The following CPNE4 variants were observed in gnomAD, a reference collection of about 807,000 sequenced individuals.
The protein encoded by CPNE4 is copine 4.
CPNE4 carries 25 observed loss-of-function variants against 67.9 expected under a neutral mutation model. The observed-to-expected ratio is 0.37, with a 90% CI of 0.27 to 0.51. CPNE4 has a LOEUF of 0.51. CPNE4 is among the 20% of genes least tolerant of loss of function. The pLI is 0.93. For synonymous variants in CPNE4, 242 were observed against 244.9 expected, an observed-to-expected ratio of 0.99 and a Z score of 0.11; for missense variants, 464 against 690.8, an observed-to-expected ratio of 0.67 and a Z score of 3.68.
At chr3:132,011,573 A>C (rs973640302) in intron 1 of CPNE4, among the ~76,000 whole-genome samples, 1 of 152,224 alleles carries the variant, frequency 6.6e-6, no homozygotes, top group African/African-American at 2.4e-5. Context: ...CGCCTAGTTC[A>C]GAATCATCAT....
At chr3:131,587,330 T>G (rs149964849) in intron 8 of CPNE4, among the ~76,000 whole-genome samples, 154 bp downstream of exon 8, 2,826 of 152,322 alleles carry the variant, frequency 0.019, 33 homozygotes, top group South Asian at 0.05. Flanking sequence ...GTTGGGCTAG[T>G]TCTAGAATCT....
At chr3:131,981,392 G>C (rs776521415) in intron 1 of CPNE4, among the ~76,000 whole-genome samples, 44 of 152,206 alleles carry the variant, frequency 2.9e-4, no homozygotes, top group Admixed American at 1.2e-3. Flanking sequence ...ATGGGGGTGA[G>C]ATTCCCAAGT....
chr3:131,736,381 GGAGGCT>G (rs775386325), intron 2 of CPNE4, among the ~76,000 whole-genome samples: 12 of 152,120 alleles, frequency 7.9e-5, no homozygotes, highest in Non-Finnish European at 1.5e-4. Context: ...CAGCACTTTG[GGAGGCT>G]GAGGTGGGCA....
At chr3:131,782,953 A>G (rs2083464580) in intron 2 of CPNE4, among the ~76,000 whole-genome samples, 1 of 152,016 alleles carries the variant, frequency 6.6e-6, no homozygotes, top group Non-Finnish European at 1.5e-5. Context: ...AGAGGGGCTC[A>G]GTTATAGTTG....
rs945138834 is a variant in CPNE4, at chr3:131,875,833, A to AT, written c.180+29430dup. Among the ~76,000 whole-genome samples, 3 of 102,358 alleles carry AT rather than the reference A, an allele frequency of 2.9e-5. No homozygotes were observed. The East Asian group carries it at 6.9e-4, about 23-fold the overall frequency. 67.2% of individuals were successfully genotyped at this position (102,358 alleles called of 152,430 possible). ...CATGTACCCTAAAACTTAAAGTATA[A>AT]TAAAAAAAAGACTAAATCTTTGGGG... On this transcript the variant is annotated intron_variant, in intron 2 of 15. Coordinates refer to ENST00000429747, the MANE Select transcript of CPNE4 (RefSeq NM_130808.3).
intron 1 of CPNE4, among the ~76,000 whole-genome samples, chr3:131,922,234 G>T (rs975233966): frequency 2.6e-5 from 4 of 152,168 alleles, no homozygotes; most frequent in Non-Finnish European, 5.9e-5. Context: ...CATTCATGTT[G>T]CTACAAAGGA....
chr3:131,579,528 AG>A (rs1415712806), intron 9 of CPNE4, among the ~76,000 whole-genome samples: 4 of 152,214 alleles, frequency 2.6e-5, no homozygotes, highest in African/African-American at 7.2e-5. Context: ...GATAGATCTC[AG>A]AAAAGTAAAT....
At chr3:131,667,337 G>A (rs995280523) in intron 7 of CPNE4, among the ~76,000 whole-genome samples, 1 of 152,164 alleles carries the variant, frequency 6.6e-6, no homozygotes, top group Non-Finnish European at 1.5e-5. Flanking sequence ...TGTATAATAA[G>A]TTTGATGTAC....
At chr3:131,676,029 C>CTATTATTAT (rs34007329) in intron 6 of CPNE4, among the ~76,000 whole-genome samples, 12,391 of 138,338 alleles carry the variant, frequency 0.09, 735 homozygotes, top group Non-Finnish European at 0.13. Context: ...ATGTTATAAC[C>CTATTATTAT]TATTATTATT....
intron 7 of CPNE4, among the ~76,000 whole-genome samples, chr3:131,601,687 C>T (rs1275992104): frequency 6.6e-6 from 1 of 152,110 alleles, no homozygotes; most frequent in Non-Finnish European, 1.5e-5. Flanking sequence ...GAGATACTTT[C>T]TCTACTCTCT....
At chr3:131,802,372 A>C (rs2084163381) in intron 2 of CPNE4, among the ~76,000 whole-genome samples, 1 of 148,800 alleles carries the variant, frequency 6.7e-6, no homozygotes, top group Non-Finnish European at 1.5e-5. Context: ...AAGGGTCAAG[A>C]AAACTGGGAA....
chr3:132,008,133 G>A (rs1919993), intron 1 of CPNE4, among the ~76,000 whole-genome samples: 127,454 of 152,108 alleles, frequency 0.84, 54,485 homozygotes, highest in Non-Finnish European at 0.93. Flanking sequence ...ATATGGGAAT[G>A]ATTCAGTTTC....
chr3:131,744,879 G>C (rs147984417), intron 2 of CPNE4, among the ~76,000 whole-genome samples: 1 of 152,142 alleles, frequency 6.6e-6, no homozygotes, highest in Admixed American at 6.5e-5. Context: ...CTGCAGATGG[G>C]GGGTGTTATA....
intron 1 of CPNE4, among the ~76,000 whole-genome samples, chr3:131,928,318 TA>T (rs11346394): frequency 0.44 from 66,665 of 151,754 alleles, 14,789 homozygotes; most frequent in Non-Finnish European, 0.45. Flanking sequence ...CCTCTTTTCT[TA>T]AAAAAAATGC....
intron 7 of CPNE4, among the ~76,000 whole-genome samples, chr3:131,590,310 G>T (rs1200646710): frequency 2.0e-5 from 3 of 152,150 alleles, no homozygotes; most frequent in Non-Finnish European, 2.9e-5. Context: ...TGGAGAGACA[G>T]CTTGACAGGT....
chr3:131,968,309 A>G (rs1419068447), intron 1 of CPNE4, among the ~76,000 whole-genome samples: 3 of 152,244 alleles, frequency 2.0e-5, no homozygotes, highest in African/African-American at 7.2e-5. Context: ...CAAAGACTTC[A>G]TGACTAAAAC....
chr3:131,558,429 C>CT (rs561800564), intron 11 of CPNE4, among the ~76,000 whole-genome samples: 150 of 152,014 alleles, frequency 9.9e-4, no homozygotes, highest in Non-Finnish European at 1.9e-3. Context: ...TTAGCAACTG[C>CT]TGGGAAAATG....
chr3:131,845,075 A>C, intron 2 of CPNE4, among the ~76,000 whole-genome samples: 1 of 152,230 alleles, frequency 6.6e-6, no homozygotes, highest in Admixed American at 6.5e-5. Context: ...GAAATCACCT[A>C]ACAAAGTGAA....
At chr3:131,956,007 T>C (rs938615192) in intron 1 of CPNE4, among the ~76,000 whole-genome samples, 7 of 152,194 alleles carry the variant, frequency 4.6e-5, no homozygotes, top group African/African-American at 1.7e-4. Context: ...TAGATATTAA[T>C]ATGGTGACAG....
Sources: allele counts gnomAD v4.1 joint callset (sites outside exome capture counted in the v4.1 genomes callset), GRCh38; gene constraint gnomAD v4.1.1; transcripts MANE v1.5; gene names NCBI Gene and HGNC (gene_info 2026-07-23, HGNC 2026-07-21).